CCSER1: variants seen among roughly 807,000 people sequenced by gnomAD.
CCSER1 encodes the protein coiled-coil serine rich protein 1, also known as serine-rich coiled-coil domain-containing protein 1.
A neutral mutation model predicts 82.0 loss-of-function variants in CCSER1; 41 were observed. That is an observed-to-expected ratio of 0.50 (90% CI 0.39 to 0.65). The LOEUF is 0.65. Among genes scored for constraint, CCSER1 ranks in the 30% least tolerant of loss-of-function variants. The pLI is 0.00. For synonymous variants in CCSER1, 414 were observed against 383.9 expected, an observed-to-expected ratio of 1.08 and a Z score of -0.92; for missense variants, 1,119 against 1,064.2, an observed-to-expected ratio of 1.05 and a Z score of -0.72.
Position 91,518,566 on chromosome 4 carries a change from G to C in CCSER1, c.2218-80006G>C, listed in dbSNP as rs186268176. Among the ~76,000 whole-genome samples the C allele has an allele frequency of 5.3e-3, 804 of 152,246 alleles. 10 individuals carry two copies. The highest frequency in any genetic ancestry group is 0.019 in the African/African-American group (780 of 41,550). Reference sequence around the variant, plus strand: ...ACTGAGACTGTTCAGCCAGAGGGTGGGGCAGCTGTACTGCTAGCCTGAGCT... The same window carrying C: ...ACTGAGACTGTTCAGCCAGAGGGTGCGGCAGCTGTACTGCTAGCCTGAGCT... On this transcript the variant is annotated intron_variant, in intron 10 of 10. Transcript: ENST00000509176.
intron 9 of CCSER1, among the ~76,000 whole-genome samples, chr4:91,001,059 T>G (rs1030996507): frequency 1.3e-5 from 2 of 152,110 alleles, no homozygotes; most frequent in African/African-American, 4.8e-5. Context: ...CATAGATAGC[T>G]CTTATTATTT....
chr4:91,364,686 C>T (rs1749484699), intron 10 of CCSER1, among the ~76,000 whole-genome samples: 1 of 151,900 alleles, frequency 6.6e-6, no homozygotes. Flanking sequence ...ACAGAAGATC[C>T]ATAATTCAGG....
chr4:90,400,161 A>G, intron 4 of CCSER1, 32 bp downstream of exon 4: 1 of 1,231,788 alleles, frequency 8.1e-7, no homozygotes, highest in Non-Finnish European at 1.2e-6. Context: ...AATATCATAC[A>G]ACTCCTACCC....
chr4:91,398,821 C>T (rs1334589749), intron 10 of CCSER1, among the ~76,000 whole-genome samples: 2 of 151,548 alleles, frequency 1.3e-5, no homozygotes, highest in Non-Finnish European at 2.9e-5. Context: ...ATGTTTAGGT[C>T]CTTAAGGACA....
At chr4:91,388,861 T>C (rs1020182296) in intron 10 of CCSER1, among the ~76,000 whole-genome samples, 1 of 152,112 alleles carries the variant, frequency 6.6e-6, no homozygotes, top group Non-Finnish European at 1.5e-5. Flanking sequence ...AACTTTAGAA[T>C]CGGTTTGAAA....
In CCSER1 at chr4:90,351,532, C is replaced by T. The variant is rs1743432184; in HGVS notation, c.1509+38485C>T. On this transcript the variant is annotated intron_variant, in intron 3 of 10. Coordinates refer to ENST00000509176, the MANE Select transcript of CCSER1 (RefSeq NM_001145065.2). ...GAGTATATATAAATGGAACAGAATT[C>T]CACTTATAATAACAAAAATTTTTTT... Among the ~76,000 whole-genome samples, 6 of 151,960 alleles carry T rather than the reference C, an allele frequency of 3.9e-5. No homozygotes were observed. The South Asian group carries it at 1.3e-3, about 32-fold the overall frequency.
chr4:90,618,369 T>C (rs1721686331), intron 5 of CCSER1, among the ~76,000 whole-genome samples: 2 of 152,100 alleles, frequency 1.3e-5, no homozygotes, highest in South Asian at 4.1e-4. Context: ...AGCTCTTAGA[T>C]TGCCACATCT....
At chr4:91,001,533 C>T (rs560703791) in intron 9 of CCSER1, among the ~76,000 whole-genome samples, 4 of 152,186 alleles carry the variant, frequency 2.6e-5, no homozygotes, top group African/African-American at 7.2e-5. Flanking sequence ...CACTTGTCTT[C>T]TGCACCTCAT....
intron 6 of CCSER1, among the ~76,000 whole-genome samples, chr4:90,633,820 G>T (rs1724922560): frequency 6.6e-6 from 1 of 151,824 alleles, no homozygotes; most frequent in South Asian, 2.1e-4. Flanking sequence ...TCTGAATGGA[G>T]TATCACACTC....
At chr4:90,573,358 AATAT>A (rs1780341035) in intron 5 of CCSER1, among the ~76,000 whole-genome samples, 1 of 152,182 alleles carries the variant, frequency 6.6e-6, no homozygotes, top group South Asian at 2.1e-4. Flanking sequence ...ACTGTCCTGG[AATAT>A]GGGACTATAG....
At chr4:91,452,896 C>T (rs895408290) in intron 10 of CCSER1, among the ~76,000 whole-genome samples, 2 of 152,066 alleles carry the variant, frequency 1.3e-5, no homozygotes. Context: ...AATAAGATCA[C>T]TAAACCTTGG....
At chr4:90,941,239 G>A (rs1038825947) in intron 9 of CCSER1, among the ~76,000 whole-genome samples, 9 of 152,172 alleles carry the variant, frequency 5.9e-5, no homozygotes, top group African/African-American at 2.2e-4. Context: ...TTTTATTTAT[G>A]TTTTAAATCA....
intron 10 of CCSER1, among the ~76,000 whole-genome samples, chr4:91,340,034 T>G (rs1747606896): frequency 6.6e-6 from 1 of 152,010 alleles, no homozygotes; most frequent in African/African-American, 2.4e-5. Context: ...GGAGAATCGC[T>G]TGAACCCGGG....
intron 10 of CCSER1, among the ~76,000 whole-genome samples, chr4:91,301,041 A>T (rs1292163157): frequency 6.6e-6 from 1 of 151,914 alleles, no homozygotes; most frequent in Non-Finnish European, 1.5e-5. Context: ...TTATATTCTC[A>T]GTAATACTAG....
At chr4:91,074,860 T>G (rs1460447037) in intron 9 of CCSER1, among the ~76,000 whole-genome samples, 3 of 152,162 alleles carry the variant, frequency 2.0e-5, no homozygotes, top group African/African-American at 7.2e-5. Flanking sequence ...AGAAAAACTG[T>G]CACAACGAAA....
intron 8 of CCSER1, among the ~76,000 whole-genome samples, chr4:90,820,190 A>G (rs931562969): frequency 6.6e-6 from 1 of 152,156 alleles, no homozygotes; most frequent in Non-Finnish European, 1.5e-5. Context: ...TCCTACCTCT[A>G]ATCTTAATTG....
intron 9 of CCSER1, among the ~76,000 whole-genome samples, chr4:91,067,013 A>C (rs1284756555): frequency 1.3e-5 from 2 of 152,056 alleles, no homozygotes; most frequent in Non-Finnish European, 2.9e-5. Context: ...AAAATACAAA[A>C]AATTAGCCGG....
chr4:90,857,845 A>T (rs569094750), intron 8 of CCSER1, among the ~76,000 whole-genome samples: 1 of 152,166 alleles, frequency 6.6e-6, no homozygotes, highest in Admixed American at 6.6e-5. Context: ...ATAATAGTGT[A>T]TTGTATTCAG....
intron 3 of CCSER1, among the ~76,000 whole-genome samples, chr4:90,318,155 T>G (rs994287110): frequency 1.3e-5 from 2 of 152,194 alleles, no homozygotes; most frequent in Non-Finnish European, 2.9e-5. Flanking sequence ...GATGAAAACA[T>G]CTCTGTAACT....
Sources: allele counts gnomAD v4.1 joint callset (sites outside exome capture counted in the v4.1 genomes callset), GRCh38; gene constraint gnomAD v4.1.1; transcripts MANE v1.5; gene names NCBI Gene and HGNC (gene_info 2026-07-23, HGNC 2026-07-21).